Variants in PPP1R9A observed in about 807,000 individuals in gnomAD.
PPP1R9A encodes the protein protein phosphatase 1 regulatory subunit 9A.
PPP1R9A carries 59 observed loss-of-function variants against 141.9 expected under a neutral mutation model. The ratio of observed to expected loss-of-function variants is 0.42; its 90% confidence interval spans 0.34 to 0.52. PPP1R9A has a LOEUF of 0.52. Among genes scored for constraint, PPP1R9A ranks in the 20% least tolerant of loss-of-function variants. PPP1R9A has a pLI of 0.10. For synonymous variants in PPP1R9A, 500 were observed against 569.7 expected (o/e 0.88, Z 1.74); for missense variants, 1,444 against 1,611.9 (o/e 0.90, Z 1.78).
chr7:95,188,171 G>A (rs1354604030), intron 5 of PPP1R9A, among the ~76,000 whole-genome samples: 1 of 151,780 alleles, frequency 6.6e-6, no homozygotes, highest in Non-Finnish European at 1.5e-5. Context: ...TGCTGCGTTA[G>A]GTACATACAT....
At chr7:95,181,617 T>C (rs1027599855) in intron 5 of PPP1R9A, among the ~76,000 whole-genome samples, 1 of 141,072 alleles carries the variant, frequency 7.1e-6, no homozygotes, top group Non-Finnish European at 1.5e-5. Context: ...GTCACACATA[T>C]ATATTCCATC....
At chr7:95,196,092 T>TGC (rs397947395) in intron 5 of PPP1R9A, among the ~76,000 whole-genome samples, 1 of 151,698 alleles carries the variant, frequency 6.6e-6, no homozygotes, top group Non-Finnish European at 1.5e-5. Flanking sequence ...TGTGTGTGTG[T>TGC]ATGTGTATTT....
chr7:94,938,616 TTGAC>T (rs1190148656), intron 2 of PPP1R9A, among the ~76,000 whole-genome samples: 3 of 152,326 alleles, frequency 2.0e-5, no homozygotes, highest in Non-Finnish European at 2.9e-5. Context: ...AAAAATTTCT[TTGAC>T]TGGTCCTGTT....
At chr7:95,225,394 C>T (rs1794999025) in intron 7 of PPP1R9A, among the ~76,000 whole-genome samples, 1 of 152,132 alleles carries the variant, frequency 6.6e-6, no homozygotes, top group African/African-American at 2.4e-5. Context: ...AAACAATACA[C>T]TTGGTGCAGG....
intron 2 of PPP1R9A, among the ~76,000 whole-genome samples, chr7:94,916,112 C>T (rs1033507772): frequency 2.6e-5 from 4 of 152,192 alleles, no homozygotes; most frequent in African/African-American, 9.7e-5. Context: ...GCCTTCATTT[C>T]ACCAGCTTGC....
At chr7:95,281,650 A>G (rs1490726822) in intron 16 of PPP1R9A, among the ~76,000 whole-genome samples, 2 of 152,236 alleles carry the variant, frequency 1.3e-5, no homozygotes, top group Admixed American at 6.5e-5. Context: ...GTCCTTTTCA[A>G]CTAAAGCAAT....
Position 95,251,990 on chromosome 7 carries a change from T to C in PPP1R9A, c.2525T>C (p.Leu842Pro), listed in dbSNP as rs769516030. The C allele has an allele frequency of 3.7e-6, 6 of 1,609,648 alleles. No individual in the cohort carries two copies. The highest frequency in any genetic ancestry group is 5.1e-6 in the Non-Finnish European group (6 of 1,178,936). ...GATTTGGAAGCTGAGGTATTCAGGC[T>C]ACTGAAGCAAAATGGGACTCAAGTT... is the stretch of plus-strand genomic sequence containing the variant. The part of the protein sequence containing the change: ...IRDLEAEVFR[L>P]LKQNGTQVNN... The change falls in exon 12 of 20, where the codon CTA (leucine) becomes CCA (proline). Residue 842 changes from leucine to proline, a missense_variant. Physicochemically the swap from Leu to Pro is moderately conservative, Grantham distance 98. Transcript: ENST00000433360.
chr7:94,992,505 C>T (rs1023223964), intron 2 of PPP1R9A, among the ~76,000 whole-genome samples: 4 of 152,128 alleles, frequency 2.6e-5, no homozygotes, highest in Admixed American at 1.3e-4. Context: ...AGGAGTGGAT[C>T]GTATTGTAGG....
intron 2 of PPP1R9A, among the ~76,000 whole-genome samples, chr7:95,079,619 G>T (rs769309641): frequency 0.015 from 2,269 of 151,716 alleles, 42 homozygotes; most frequent in South Asian, 0.042. Context: ...TACCAAAGCC[G>T]GGCAGAGACA....
At chr7:95,022,594 A>G (rs988593156) in intron 2 of PPP1R9A, among the ~76,000 whole-genome samples, 1 of 152,208 alleles carries the variant, frequency 6.6e-6, no homozygotes, top group Non-Finnish European at 1.5e-5. Context: ...TTGCCCATTC[A>G]GTATGATATT....
At chr7:94,976,905 T>G (rs922086296) in intron 2 of PPP1R9A, among the ~76,000 whole-genome samples, 1 of 147,642 alleles carries the variant, frequency 6.8e-6, no homozygotes, top group African/African-American at 2.4e-5. Context: ...GTAGGTTATA[T>G]TCTTGCTGGG....
intron 2 of PPP1R9A, among the ~76,000 whole-genome samples, chr7:95,104,246 G>T (rs1341755955): frequency 6.6e-6 from 1 of 152,166 alleles, no homozygotes; most frequent in Non-Finnish European, 1.5e-5. Context: ...ATCCTGTTTT[G>T]TGGTATGTAG....
intron 8 of PPP1R9A, among the ~76,000 whole-genome samples, chr7:95,235,611 G>A (rs1277156184): frequency 1.3e-5 from 2 of 152,130 alleles, no homozygotes; most frequent in African/African-American, 4.8e-5. Flanking sequence ...AAAACAGTGT[G>A]GAGATTCCTT....
chr7:95,106,724 A>C (rs1185322500), intron 2 of PPP1R9A, among the ~76,000 whole-genome samples: 1 of 152,182 alleles, frequency 6.6e-6, no homozygotes, highest in East Asian at 1.9e-4. Context: ...TAAAATATTG[A>C]TAACTACTTT....
chr7:95,066,726 GA>G (rs1183969081), intron 2 of PPP1R9A, among the ~76,000 whole-genome samples: 1 of 152,146 alleles, frequency 6.6e-6, no homozygotes, highest in Admixed American at 6.5e-5. Flanking sequence ...ATCAATCCAG[GA>G]GGTCCAACAT....
intron 4 of PPP1R9A, among the ~76,000 whole-genome samples, chr7:95,158,918 G>A (rs532912643): frequency 1.3e-5 from 2 of 152,298 alleles, no homozygotes; most frequent in Non-Finnish European, 2.9e-5. Context: ...TGTATGATTG[G>A]CAGTACTTAA....
chr7:95,180,855 C>A (rs1833638917), intron 5 of PPP1R9A, among the ~76,000 whole-genome samples: 1 of 151,798 alleles, frequency 6.6e-6, no homozygotes, highest in Admixed American at 6.6e-5. Context: ...TGGGCATAAT[C>A]AAAAAATAAA....
intron 4 of PPP1R9A, among the ~76,000 whole-genome samples, chr7:95,121,429 A>G (rs1822545017): frequency 6.6e-6 from 1 of 151,338 alleles, no homozygotes; most frequent in South Asian, 2.1e-4. Flanking sequence ...AGCTTTCATA[A>G]TCTCAAGCTA....
chr7:94,988,226 A>G (rs10236730), intron 2 of PPP1R9A, among the ~76,000 whole-genome samples: 11,657 of 152,150 alleles, frequency 0.077, 601 homozygotes, highest in African/African-American at 0.15. Context: ...GTATATTACA[A>G]TTCTGGAGGA....
Sources: allele counts gnomAD v4.1 joint callset (sites outside exome capture counted in the v4.1 genomes callset), GRCh38; gene constraint gnomAD v4.1.1; transcripts MANE v1.5; gene names NCBI Gene and HGNC (gene_info 2026-07-23, HGNC 2026-07-21).